Variants in PCDH11X observed in about 807,000 individuals in gnomAD.
The protein encoded by PCDH11X is protocadherin-11 X-linked.
In PCDH11X, 18 loss-of-function variants were observed where a neutral mutation model predicts 53.3. The ratio of observed to expected loss-of-function variants is 0.34; its 90% CI spans 0.23 to 0.50. The LOEUF (loss-of-function observed/expected upper bound fraction) is 0.50. PCDH11X is among the 20% of genes least tolerant of loss of function. The pLI is 0.98. For synonymous variants in PCDH11X, 279 were observed against 393.3 expected (o/e 0.71, Z 3.44); for missense variants, 570 against 1,032.4 (o/e 0.55, Z 6.14).
rs772419719 is a variant in PCDH11X at position 91,900,905 on chromosome X, C to T, written c.3033+21632C>T. On this transcript the variant is annotated intron_variant, in intron 6 of 10. Transcript: ENST00000682573. ...AGACAGCTTTCAGTGGCAAGTAAGGCGATTTCAGAAATGGTAACTGTAGTG... is the reference window on the plus strand; with the variant it reads ...AGACAGCTTTCAGTGGCAAGTAAGGTGATTTCAGAAATGGTAACTGTAGTG... 4.4e-4 allele frequency among the ~76,000 whole-genome samples: 49 copies of T among 111,302 alleles called. 1 individual carries two copies. The highest frequency in any genetic ancestry group is 8.5e-4 in the East Asian group (3 of 3,523).
intron 10 of PCDH11X, among the ~76,000 whole-genome samples, chrX:92,475,041 T>C (rs1416412565): frequency 2.0e-5 from 2 of 101,416 alleles, no homozygotes; most frequent in African/African-American, 3.6e-5. Flanking sequence ...GGCGGGCGCC[T>C]GTAGTCCCAG....
chrX:92,492,323 A>T (rs1253345000), intron 10 of PCDH11X, among the ~76,000 whole-genome samples: 1 of 111,988 alleles, frequency 8.9e-6, no homozygotes, highest in Admixed American at 9.5e-5. Context: ...AGGAGACAAT[A>T]TTTTTATATC....
intron 6 of PCDH11X, among the ~76,000 whole-genome samples, chrX:92,103,343 T>A (rs2064303916): frequency 9.1e-6 from 1 of 109,864 alleles, no homozygotes; most frequent in African/African-American, 3.3e-5. Flanking sequence ...CCCACAACAG[T>A]TATGGAGGCA....
chrX:91,807,026 C>T (rs1936129884), intron 1 of PCDH11X, among the ~76,000 whole-genome samples: 1 of 110,907 alleles, frequency 9.0e-6, no homozygotes. Flanking sequence ...GAAATATCTC[C>T]ATAAACCATA....
intron 5 of PCDH11X, among the ~76,000 whole-genome samples, chrX:91,839,077 G>A (rs2262062): frequency 2.9e-5 from 3 of 104,359 alleles, no homozygotes; most frequent in Non-Finnish European, 5.9e-5. Context: ...TTTAGCTTAC[G>A]TTTTTATGAG....
intron 9 of PCDH11X, among the ~76,000 whole-genome samples, chrX:92,464,728 A>G (rs1486437024): frequency 9.0e-6 from 1 of 110,849 alleles, no homozygotes; most frequent in Non-Finnish European, 1.9e-5. Flanking sequence ...ACAGTATATT[A>G]GTTTTGCACT....
intron 10 of PCDH11X, among the ~76,000 whole-genome samples, chrX:92,585,672 A>C (rs1291002760): frequency 9.9e-5 from 11 of 111,149 alleles, no homozygotes; most frequent in Non-Finnish European, 2.1e-4. Flanking sequence ...GCCCAGCCAA[A>C]TAGTGCTTTC....
At chrX:92,227,841 TG>T (rs2066997664) in intron 7 of PCDH11X, among the ~76,000 whole-genome samples, 1 of 111,681 alleles carries the variant, frequency 9.0e-6, no homozygotes, top group Non-Finnish European at 1.9e-5. Flanking sequence ...CATTTAATAA[TG>T]AACATGAGGA....
At chrX:92,320,457 T>G (rs748211040) in intron 8 of PCDH11X, among the ~76,000 whole-genome samples, 1 of 110,554 alleles carries the variant, frequency 9.0e-6, no homozygotes, top group South Asian at 3.9e-4. Context: ...AAACACATAC[T>G]TTTTTTCAAC....
chrX:92,239,894 T>A (rs1343035766), intron 7 of PCDH11X, among the ~76,000 whole-genome samples: 7 of 112,145 alleles, frequency 6.2e-5, no homozygotes. Context: ...TTGCTCACCC[T>A]TTTAGAATTT....
chrX:92,331,386 C>CCTCCTG (rs2069485413), intron 8 of PCDH11X, among the ~76,000 whole-genome samples: 1 of 100,536 alleles, frequency 9.9e-6, no homozygotes, highest in South Asian at 5.2e-4. Context: ...TCCTCCTCCT[C>CCTCCTG]CTCCTCTTCC....
At chrX:91,906,842 G>T (rs751542299) in intron 6 of PCDH11X, among the ~76,000 whole-genome samples, 164 of 110,952 alleles carry the variant, frequency 1.5e-3, no homozygotes, top group Middle Eastern at 4.7e-3. Context: ...CATGGCATTT[G>T]TTAGATTCAT....
intron 9 of PCDH11X, among the ~76,000 whole-genome samples, chrX:92,399,903 G>A (rs1367951602): frequency 3.3e-5 from 2 of 61,236 alleles, no homozygotes; most frequent in East Asian, 6.8e-4. Flanking sequence ...CACCACGCCC[G>A]GCTAATTTTT....
At chrX:92,493,894 G>A (rs1283632558) in intron 10 of PCDH11X, among the ~76,000 whole-genome samples, 2 of 109,503 alleles carry the variant, frequency 1.8e-5, no homozygotes, top group East Asian at 2.9e-4. Context: ...CAATCCAACC[G>A]CCTCGGCCTC....
At chrX:91,867,900 T>G (rs1315735671) in intron 5 of PCDH11X, among the ~76,000 whole-genome samples, 1 of 111,680 alleles carries the variant, frequency 9.0e-6, no homozygotes, top group Non-Finnish European at 1.9e-5. Context: ...TTTTTTGATC[T>G]GTTTGAAATG....
chrX:91,931,590 T>C (rs1381014287), intron 6 of PCDH11X, among the ~76,000 whole-genome samples: 2 of 110,867 alleles, frequency 1.8e-5, no homozygotes, highest in Non-Finnish European at 3.8e-5. Flanking sequence ...CACTTCTACC[T>C]CTGTGTTTTA....
chrX:92,200,353 A>G (rs2066368066), intron 6 of PCDH11X, among the ~76,000 whole-genome samples: 1 of 111,977 alleles, frequency 8.9e-6, no homozygotes, highest in South Asian at 3.7e-4. Flanking sequence ...TCCACTATGG[A>G]AAACAGTAAG....
At chrX:92,047,133 C>A (rs1279882395) in intron 6 of PCDH11X, among the ~76,000 whole-genome samples, 2 of 78,749 alleles carry the variant, frequency 2.5e-5, no homozygotes, top group Non-Finnish European at 4.1e-5. Flanking sequence ...TAATACCGTA[C>A]ATTTTAATGG....
intron 10 of PCDH11X, among the ~76,000 whole-genome samples, chrX:92,502,356 T>C (rs1360696741): frequency 1.1e-5 from 1 of 88,334 alleles, no homozygotes; most frequent in Non-Finnish European, 2.4e-5. Flanking sequence ...CTTCACGGAA[T>C]TAAAAAAAAA....
Sources: gnomAD v4.1 joint callset for allele counts (sites outside exome capture counted in the v4.1 genomes callset) on GRCh38, gnomAD v4.1.1 for gene constraint, MANE v1.5 for transcripts, NCBI Gene and HGNC (gene_info 2026-07-23, HGNC 2026-07-21) for gene names.